Variants in CCHCR1 observed in about 807,000 individuals in gnomAD.
The protein encoded by CCHCR1 is HCR (a-helix coiled-coil rod homologue).
Under a neutral mutation model 114.6 loss-of-function variants are expected in CCHCR1, and 91 were observed. The observed-to-expected ratio is 0.79, with a 90% CI of 0.67 to 0.94. CCHCR1 has a LOEUF of 0.94. Ranked by LOEUF, CCHCR1 falls within the 40% of genes least tolerant of loss-of-function variation. The pLI, the probability that CCHCR1 is intolerant of heterozygous loss-of-function variation, is 0.00. For synonymous variants in CCHCR1, 379 were observed against 428.5 expected (o/e 0.88, Z 1.43); for missense variants, 899 against 1,079.9 (o/e 0.83, Z 2.35).
In CCHCR1 at chr6:31,157,074, A is replaced by C; in HGVS notation, c.232T>G (p.Trp78Gly). 1 of 1,611,366 alleles carries C rather than the reference A, an allele frequency of 6.2e-7. No homozygotes were observed. The highest frequency in any genetic ancestry group is 8.5e-7 in the Non-Finnish European group (1 of 1,179,022). Residue 78 changes from tryptophan (W) to glycine (G), a missense_variant, in exon 2 of 18, where the codon TGG becomes GGG. Physicochemically the swap from Trp to Gly is radical, Grantham distance 184 (BLOSUM62 -2). Coordinates refer to ENST00000396268, the MANE Select transcript of CCHCR1 (RefSeq NM_001105564.2). The stretch of plus-strand genomic sequence containing the variant: ...TTTGAAGGCTCTAGATTCTGTCTCC[A>C]GCCATCTATGTTCCCCTGGACAAGA... ...NLRRRGNIDG[W>G]RQNLEPSNNV...
chr6:31,143,121 T>C lies in CCHCR1; in HGVS notation c.2333A>G (p.Gln778Arg), dbSNP rs1773779454. 1 of 1,612,886 alleles carries C rather than the reference T, an allele frequency of 6.2e-7. No homozygotes were observed. Among genetic ancestry groups the C allele is most frequent in the Non-Finnish European group, 8.5e-7 (1 of 1,179,974 alleles). ...CTTGTAACGGGAGAGGAGACCTTCC[T>C]GCTGCAAGGTGGCCTGGGAAGGAGA... ...DKNLMLATLQ[Q>R]EGLLSRYKQQ... Residue 778 changes from glutamine (Q) to arginine (R), a missense_variant, in exon 17 of 18, where the codon CAG (glutamine) becomes CGG (arginine). Coordinates refer to ENST00000396268, the MANE Select transcript of CCHCR1 (RefSeq NM_001105564.2). This position sits in a 1 kb window ranked among gnomAD's most constrained non-coding sequence, Gnocchi z 5.3.
intron 10 of CCHCR1, among the ~76,000 whole-genome samples, chr6:31,147,399 CA>C (rs9278998): frequency 0.04 from 5,091 of 125,822 alleles, 60 homozygotes; most frequent in Non-Finnish European, 0.062. Flanking sequence ...GACTCTGTCT[CA>C]AAAAAAAAAA....
intron 3 of CCHCR1, among the ~76,000 whole-genome samples, chr6:31,155,682 G>A (rs946474685): frequency 1.3e-5 from 2 of 151,936 alleles, no homozygotes; most frequent in African/African-American, 4.8e-5. Context: ...CACAGTGCCA[G>A]CCTTTAGAGA....
intron 10 of CCHCR1, 30 bp downstream of exon 10, chr6:31,148,375 C>G: frequency 7.4e-7 from 1 of 1,357,266 alleles, no homozygotes; most frequent in Non-Finnish European, 1.0e-6. Flanking sequence ...GGCAGAAACA[C>G]TACTCCACCC....
At chr6:31,155,528 T>G (rs1329351000) in intron 3 of CCHCR1, among the ~76,000 whole-genome samples, 1 of 147,438 alleles carries the variant, frequency 6.8e-6, no homozygotes, top group Non-Finnish European at 1.5e-5. Context: ...GGCGTCAACC[T>G]GGGAGGCAGA....
In CCHCR1 at chr6:31,154,424, C is replaced by A; in HGVS notation, c.801+72G>T. ...CTCATGGAGGGTCTTTTCTGCAATACCTGTTCTTTGCTTGGAAGCTACTGC... is the reference window on the plus strand; with the variant it reads ...CTCATGGAGGGTCTTTTCTGCAATAACTGTTCTTTGCTTGGAAGCTACTGC... On this transcript the variant is annotated intron_variant, in intron 4 of 17. Coordinates refer to ENST00000396268, the MANE Select transcript of CCHCR1 (RefSeq NM_001105564.2). This position sits in a 1 kb window ranked among gnomAD's most constrained non-coding sequence, Gnocchi z 4.1. The A allele has an allele frequency of 8.0e-7, 1 of 1,243,752 alleles. No individual in the cohort carries two copies. Among genetic ancestry groups the A allele is most frequent in the Non-Finnish European group, 1.2e-6 (1 of 864,658 alleles). 77.0% of individuals were successfully genotyped at this position (1,243,752 alleles called of 1,614,324 possible).
intron 4 of CCHCR1, among the ~76,000 whole-genome samples, chr6:31,152,791 T>C (rs950865615): frequency 3.3e-5 from 5 of 151,510 alleles, no homozygotes; most frequent in African/African-American, 7.3e-5. Flanking sequence ...ATTGCTCTTA[T>C]GGGAAAGTAG....
chr6:31,143,264 G>A lies in CCHCR1; in HGVS notation c.2317C>T (p.Leu773=), dbSNP rs759384636. The change falls in exon 16 of 18, where the codon CTG becomes TTG. Residue 773 remains leucine (L), a splice_region_variant and synonymous_variant. Transcript: ENST00000396268. The surrounding 1 kb of genome is among the most constrained non-coding windows in gnomAD (Gnocchi z 5.3). ...CTGTCTGCCCTCCTGTCTCCTACCAGCATGAGGTTCTTATCCCTCTCTAGC... is the reference window on the plus strand; with the variant it reads ...CTGTCTGCCCTCCTGTCTCCTACCAACATGAGGTTCTTATCCCTCTCTAGC... ...QELERDKNLM[L]ATLQQEGLLS... is the part of the protein sequence containing the mutation. 1 of 1,612,638 alleles carries A rather than the reference G, an allele frequency of 6.2e-7. No homozygotes were observed. The highest frequency in any genetic ancestry group is 2.2e-5 in the East Asian group (1 of 44,876).
At position 31,144,756 on chromosome 6, in the gene CCHCR1, G is replaced by A. The variant is rs778124748; in HGVS notation, c.2098C>T (p.Arg700Trp). The change falls in exon 15 of 18, where the codon CGG (arginine) becomes TGG (tryptophan). Residue 700 changes from arginine to tryptophan, a missense_variant. Transcript: ENST00000396268. This position sits in a 1 kb window ranked among gnomAD's most constrained non-coding sequence, Gnocchi z 4.6. ...GTGTCTGAGAGTTGCTCCCGCAGCC[G>A]AGTTTCCACTTCAGCCACCTTTTCT... The part of the protein sequence containing the change: ...LQEKVAEVET[R>W]LREQLSDTER... The A allele has an allele frequency of 1.5e-5, 24 of 1,613,868 alleles. No homozygotes were observed. The highest frequency in any genetic ancestry group is 1.6e-4 in the Middle Eastern group (1 of 6,084).
intron 4 of CCHCR1, among the ~76,000 whole-genome samples, chr6:31,153,409 T>C (rs543745397): frequency 1.3e-5 from 2 of 152,294 alleles, no homozygotes; most frequent in South Asian, 4.1e-4. Context: ...ATCTGAGCTA[T>C]AAATATAGCT....
chr6:31,145,971 A>G (rs1369326407), intron 10 of CCHCR1, among the ~76,000 whole-genome samples, 163 bp from the exon 11 acceptor site: 1 of 152,264 alleles, frequency 6.6e-6, no homozygotes, highest in African/African-American at 2.4e-5. Context: ...AGAATGCATT[A>G]AATGACTATC....
At position 31,145,238 on chromosome 6, in the gene CCHCR1, TC is replaced by T. The variant is rs1340747523; in HGVS notation, c.1803del (p.Asn602ThrfsTer9). On this transcript the variant is annotated frameshift_variant, in exon 13 of 18. Transcript: ENST00000396268. LOFTEE classifies it high-confidence loss of function. ...AGCTGCAGTTCTGCATCCAGGCGGT[TC>T]CGTTCTTCCCGCAACTGCTGCAACT... ...SLELQQLREE[R>X]NRLDAELQLS... 3 of 1,613,670 alleles carry T rather than the reference TC, an allele frequency of 1.9e-6. No homozygotes were observed. Among genetic ancestry groups the T allele is most frequent in the Non-Finnish European group, 2.5e-6 (3 of 1,179,990 alleles).
In CCHCR1 at chr6:31,144,725, C is replaced by T. The variant is rs1247167272; in HGVS notation, c.2129G>A (p.Arg710Lys). 24 of 1,613,588 alleles carry T rather than the reference C, an allele frequency of 1.5e-5. No individual in the cohort carries two copies. Among genetic ancestry groups the T allele is most frequent in the Non-Finnish European group, 1.8e-5 (21 of 1,179,634 alleles). ...CTCCCTCCGAGCCTCGTTCAGCCTC[C>T]TCTCTGTGTCTGAGAGTTGCTCCCG... ...RLREQLSDTE[R>K]RLNEARREHA... The change falls in exon 15 of 18, where the codon AGG (arginine) becomes AAG (lysine). Residue 710 changes from arginine to lysine, a missense_variant. Coordinates refer to ENST00000396268, the MANE Select transcript of CCHCR1 (RefSeq NM_001105564.2). The surrounding 1 kb of genome is among the most constrained non-coding windows in gnomAD (Gnocchi z 4.6).
At position 31,157,700 on chromosome 6, in the gene CCHCR1, G is replaced by T; in HGVS notation, c.-100C>A. On this transcript the variant is annotated 5_prime_UTR_variant, in exon 1 of 18. Coordinates refer to ENST00000396268, the MANE Select transcript of CCHCR1 (RefSeq NM_001105564.2). ...ACATCTTATTCAAATCTTTCCTGCG[G>T]CTGTTCTCTCAGCTTCTCTCTACTA... 1 of 946,374 alleles carries T rather than the reference G, an allele frequency of 1.1e-6. No homozygotes were observed. The highest frequency in any genetic ancestry group is 1.6e-6 in the Non-Finnish European group (1 of 634,236). The allele number at this position is 946,374 out of a possible 1,614,324, so 58.6% of individuals were successfully genotyped here. A position where few individuals can be genotyped will look rare whatever the true frequency, so the allele number is the denominator to read the frequency against.
rs999589127 is a variant in CCHCR1, at chr6:31,142,502, C to T, written c.*90G>A. 38 of 1,321,852 alleles carry T rather than the reference C, an allele frequency of 2.9e-5. 1 individual carries two copies. In the South Asian group the frequency reaches 4.7e-4, roughly 16 times the overall value. The allele number at this position is 1,321,852 out of a possible 1,614,324, so 81.9% of individuals were successfully genotyped here. ...CTCAGCTGGTATCCCCCAGGGCAACCCCAGGATGGGGAAGGGCTGGTCTGT... is the reference window on the plus strand; with the variant it reads ...CTCAGCTGGTATCCCCCAGGGCAACTCCAGGATGGGGAAGGGCTGGTCTGT... On this transcript the variant is annotated 3_prime_UTR_variant, in exon 18 of 18. Transcript: ENST00000396268.
rs1190961889 is a variant in CCHCR1 at position 31,154,492 on chromosome 6, T to G, written c.801+4A>C. 6.2e-7 allele frequency: 1 copy of G among 1,604,226 alleles called. No individual in the cohort carries two copies. Among genetic ancestry groups the G allele is most frequent in the Non-Finnish European group, 8.5e-7 (1 of 1,172,734 alleles). ...ATTTGAATCCTTTCTACCCCTGCATTCACCTGCTCTTGGTGCAGCCTCTGA... is the reference window on the plus strand; with the variant it reads ...ATTTGAATCCTTTCTACCCCTGCATGCACCTGCTCTTGGTGCAGCCTCTGA... On this transcript the variant is annotated splice_donor_region_variant and intron_variant, in intron 4 of 17. Coordinates refer to ENST00000396268, the MANE Select transcript of CCHCR1 (RefSeq NM_001105564.2). The surrounding 1 kb of genome is among the most constrained non-coding windows in gnomAD (Gnocchi z 4.1).
In CCHCR1 at chr6:31,145,003, C is replaced by A. The variant is rs775826272; in HGVS notation, c.1947G>T (p.Glu649Asp). The change falls in exon 14 of 18, where the codon GAG becomes GAT. Residue 649 changes from glutamate (E) to aspartate (D), a missense_variant. Physicochemically the swap from Glu to Asp is conservative, Grantham distance 45. Coordinates refer to ENST00000396268, the MANE Select transcript of CCHCR1 (RefSeq NM_001105564.2). ...GCTGCAGCCCCAAGCTAGCCAGGGA[C>A]TCCTGGGTCTGCTGCAGCTCCTGCT... ...QLEQELQQTQ[E>D]SLASLGLQLE... 3.1e-5 allele frequency: 50 copies of A among 1,606,626 alleles called. No individual in the cohort carries two copies. The highest frequency in any genetic ancestry group is 4.2e-5 in the Non-Finnish European group (50 of 1,179,630).
At chr6:31,156,550 G>A in intron 3 of CCHCR1, 181 bp downstream of exon 3, 1 of 571,316 alleles carries the variant, frequency 1.8e-6, no homozygotes, top group African/African-American at 1.9e-5. Flanking sequence ...ATTCACTATT[G>A]TTATCCTCAT....
chr6:31,155,300 G>C (rs965401704), intron 3 of CCHCR1, among the ~76,000 whole-genome samples: 23 of 152,100 alleles, frequency 1.5e-4, no homozygotes, highest in African/African-American at 5.3e-4. Flanking sequence ...GTGAGGCCAG[G>C]TGCTAGTTAA....
Sources: allele counts gnomAD v4.1 joint callset (sites outside exome capture counted in the v4.1 genomes callset), GRCh38; gene constraint gnomAD v4.1.1; non-coding constraint Gnocchi (gnomAD v3.1); transcripts MANE v1.5; gene names NCBI Gene and HGNC (gene_info 2026-07-23, HGNC 2026-07-21).